SYCP3: variants seen among roughly 807,000 people sequenced by gnomAD.
The protein encoded by SYCP3 is synaptonemal complex protein 3.
SYCP3 carries 29 observed loss-of-function variants against 38.5 expected under a neutral mutation model. That is an observed-to-expected ratio of 0.75 (90% confidence interval 0.56 to 1.03). The LOEUF (loss-of-function observed/expected upper bound fraction) is 1.03, where lower values mean the gene tolerates loss of function less well. Among genes scored for constraint, SYCP3 ranks in the 50% least tolerant of loss-of-function variants. SYCP3 has a pLI of 0.00. For synonymous variants in SYCP3, 79 were observed against 80.3 expected, an observed-to-expected ratio of 0.98 and a Z score of 0.08; for missense variants, 242 against 270.7, an observed-to-expected ratio of 0.89 and a Z score of 0.74.
chr12:101,737,571 AAAGC>A (rs1465083628), intron 2 of SYCP3: 2 of 671,348 alleles, frequency 3.0e-6, no homozygotes, highest in Non-Finnish European at 5.0e-6. Context: ...AATAACTGCA[AAAGC>A]AAGAGTTGCC....
chr12:101,732,740 C>G (rs904032981), intron 6 of SYCP3: 2 of 151,172 alleles, frequency 1.3e-5, no homozygotes, highest in Non-Finnish European at 2.9e-5. Context: ...AATCTCGGCT[C>G]ACTGCAGCCT....
intron 5 of SYCP3, among the ~76,000 whole-genome samples, chr12:101,734,407 C>CA (rs919365797): frequency 1.3e-5 from 2 of 151,878 alleles, no homozygotes; most frequent in African/African-American, 4.8e-5. Context: ...AAAACAACAA[C>CA]AAAAAACGAA....
chr12:101,729,056 A>C (rs771263019), intron 8 of SYCP3, 53 bp downstream of exon 8: 1 of 1,605,928 alleles, frequency 6.2e-7, no homozygotes. Flanking sequence ...CAAATAAAAT[A>C]TTTCATTGCT....
chr12:101,739,422 G>A lies in SYCP3; in HGVS notation c.-89C>T, dbSNP rs1043919657. The A allele has an allele frequency of 4.0e-6, 4 of 1,002,760 alleles. No individual in the cohort carries two copies. The Admixed American group carries it at 2.5e-4, about 61-fold the overall frequency. 62.1% of individuals were successfully genotyped at this position (1,002,760 alleles called of 1,614,324 possible). A position where few individuals can be genotyped will look rare whatever the true frequency, so the allele number is the denominator to read the frequency against. On this transcript the variant is annotated 5_prime_UTR_variant, in exon 1 of 9. Coordinates refer to ENST00000392924, the MANE Select transcript of SYCP3 (RefSeq NM_001177949.2). ...GGCGTCCTCCACAACTCCTCCACAA[G>A]CGCGCTTCACCTGAGGTGGCCCCTT...
In SYCP3 at chr12:101,731,589, CTG is replaced by C. The variant is rs776089673; in HGVS notation, c.529_530del (p.Gln177ValfsTer3). On this transcript the variant is annotated frameshift_variant, in exon 7 of 9. Coordinates refer to ENST00000392924, the MANE Select transcript of SYCP3 (RefSeq NM_001177949.2). LOFTEE classifies it high-confidence loss of function. Reference protein sequence around the residue: ...VQSQRLKTIKQLYEQFIKSME... With the variant: ...VQSQRLKTIKXLYEQFIKSME... ...AAACCTTTATGAACTGCTCATATAA[CTG>C]TTTAATTGTTTTCAATCTCTGGCTC... 3 of 1,605,428 alleles carry C rather than the reference CTG, an allele frequency of 1.9e-6. No homozygotes were observed. The highest frequency in any genetic ancestry group is 2.7e-5 in the African/African-American group (2 of 74,718).
chr12:101,735,159 C>G (rs1399468928), intron 4 of SYCP3, 115 bp from the exon 5 acceptor site: 4 of 664,816 alleles, frequency 6.0e-6, no homozygotes, highest in Non-Finnish European at 1.0e-5. Flanking sequence ...GACATTTAAA[C>G]TTAAATTTAG....
At chr12:101,729,345 CTAAG>C (rs1952081910) in intron 7 of SYCP3, 132 bp from the exon 8 acceptor site, 2 of 895,042 alleles carry the variant, frequency 2.2e-6, no homozygotes, top group African/African-American at 1.7e-5. Context: ...TAAAAATATT[CTAAG>C]TAATACATGA....
At chr12:101,730,152 A>G (rs1021932706) in intron 7 of SYCP3, among the ~76,000 whole-genome samples, 1 of 152,192 alleles carries the variant, frequency 6.6e-6, no homozygotes, top group Non-Finnish European at 1.5e-5. Context: ...ATTGGAGAAC[A>G]GAGACATCAG....
chr12:101,738,049 T>C, intron 1 of SYCP3, 97 bp from the exon 2 acceptor site: 5 of 1,384,318 alleles, frequency 3.6e-6, no homozygotes, highest in Non-Finnish European at 5.0e-6. Context: ...CGAACAAGGA[T>C]TGTTGAATAC....
Position 101,728,917 on chromosome 12 carries a change from CA to C in SYCP3, c.*9del. 1.2e-6 allele frequency: 2 copies of C among 1,613,424 alleles called. No homozygotes were observed. Among genetic ancestry groups the C allele is most frequent in the Non-Finnish European group, 1.7e-6 (2 of 1,179,658 alleles). ...ATTACTTAGGTTCAAGTTCTTTCTT[CA>C]AAGAGTCATCAGAATAACATGGATT... On this transcript the variant is annotated 3_prime_UTR_variant, in exon 9 of 9. Coordinates refer to ENST00000392924, the MANE Select transcript of SYCP3 (RefSeq NM_001177949.2).
intron 4 of SYCP3, among the ~76,000 whole-genome samples, chr12:101,735,851 T>TATATATATATA (rs1555265599): frequency 2.1e-5 from 2 of 96,082 alleles, no homozygotes; most frequent in African/African-American, 9.2e-5. Flanking sequence ...ATAATCAATT[T>TATATATATATA]TATATATATA....
At chr12:101,737,176 G>T in intron 3 of SYCP3, 56 bp downstream of exon 3, 2 of 1,603,558 alleles carry the variant, frequency 1.2e-6, no homozygotes, top group South Asian at 1.1e-5. Flanking sequence ...TTATTTGTTA[G>T]CAACTTTTCT....
chr12:101,732,681 TTTC>T (rs1952238274), intron 6 of SYCP3: 1 of 151,994 alleles, frequency 6.6e-6, no homozygotes, highest in African/African-American at 2.4e-5. Context: ...TTTTTTTTTT[TTTC>T]AAGAAAGGGT....
At position 101,737,226 on chromosome 12, in the gene SYCP3, C is replaced by T. The variant is rs774427595; in HGVS notation, c.200+6G>A. ...TAAGAAACAAAAATTATTTTGAACA[C>T]GTTACCCCATATCTTCAACTACTCC... On this transcript the variant is annotated splice_donor_region_variant and intron_variant, in intron 3 of 8. Coordinates refer to ENST00000392924, the MANE Select transcript of SYCP3 (RefSeq NM_001177949.2). The T allele has an allele frequency of 5.0e-6, 8 of 1,612,692 alleles. No homozygotes were observed. Among genetic ancestry groups the T allele is most frequent in the East Asian group, 2.2e-5 (1 of 44,768 alleles).
intron 4 of SYCP3, among the ~76,000 whole-genome samples, chr12:101,735,731 A>C (rs1952385409): frequency 6.6e-6 from 1 of 151,148 alleles, no homozygotes; most frequent in African/African-American, 2.4e-5. Flanking sequence ...TTAAAAGGAC[A>C]CATTTCAATG....
chr12:101,738,459 G>A (rs1482721121), intron 1 of SYCP3, among the ~76,000 whole-genome samples: 1 of 150,158 alleles, frequency 6.7e-6, no homozygotes, highest in Non-Finnish European at 1.5e-5. Flanking sequence ...AGAAATGGCC[G>A]GGCGCTGTGG....
At chr12:101,729,271 A>C (rs1005236592) in intron 7 of SYCP3, 58 bp from the exon 8 acceptor site, 2 of 1,491,098 alleles carry the variant, frequency 1.3e-6, no homozygotes, top group Non-Finnish European at 9.2e-7. Flanking sequence ...TCAGGTTCTA[A>C]ACTTGTACAA....
Position 101,728,756 on chromosome 12 carries a change from A to C in SYCP3, c.*171T>G, listed in dbSNP as rs1332867527. 52 of 867,196 alleles carry C rather than the reference A, an allele frequency of 6.0e-5. No homozygotes were observed. Among genetic ancestry groups the C allele is most frequent in the Non-Finnish European group, 8.4e-5 (48 of 572,396 alleles). The allele number at this position is 867,196 out of a possible 1,614,324, so 53.7% of individuals were successfully genotyped here. On this transcript the variant is annotated 3_prime_UTR_variant, in exon 9 of 9. Transcript: ENST00000392924. ...TATTCTTTAGGAATAGTTGCTAACT[A>C]ACTCATAACTATTTAGATTTGACTT...
At chr12:101,737,598 G>T in intron 2 of SYCP3, 1 of 717,334 alleles carries the variant, frequency 1.4e-6, no homozygotes. Context: ...ATAAGCTTCT[G>T]TAACTCCGAT....
Sources: gnomAD v4.1 joint callset for allele counts (sites outside exome capture counted in the v4.1 genomes callset) on GRCh38, gnomAD v4.1.1 for gene constraint, MANE v1.5 for transcripts, NCBI Gene and HGNC (gene_info 2026-07-23, HGNC 2026-07-21) for gene names.